The following ROBO2 variants were observed in gnomAD, a reference collection of about 807,000 sequenced individuals.
ROBO2 encodes the protein roundabout homolog 2.
Under a neutral mutation model 160.8 loss-of-function variants are expected in ROBO2, and 53 were observed. The observed-to-expected ratio is 0.33, with a 90% CI of 0.26 to 0.41. The LOEUF (loss-of-function observed/expected upper bound fraction) is 0.41, where lower values mean the gene tolerates loss of function less well. Ranked by LOEUF, ROBO2 falls within the 10% of genes least tolerant of loss-of-function variation. The pLI is 1.00. For missense variants in ROBO2, 1,577 were observed against 1,722.4 expected (o/e 0.92, Z 1.49); for synonymous variants, 664 against 611.7 (o/e 1.09, Z -1.26).
intron 2 of ROBO2, among the ~76,000 whole-genome samples, chr3:77,126,947 C>T (rs1013678282): frequency 6.6e-6 from 1 of 151,508 alleles, no homozygotes; most frequent in Non-Finnish European, 1.5e-5. Flanking sequence ...CGCCACCACG[C>T]CCGGCTAATT....
intron 2 of ROBO2, among the ~76,000 whole-genome samples, chr3:76,412,039 C>T (rs1271220392): frequency 6.6e-6 from 1 of 152,140 alleles, no homozygotes; most frequent in African/African-American, 2.4e-5. Context: ...ACTTACAGTT[C>T]CACATGGCTG....
chr3:76,162,791 G>T (rs1345035445), intron 2 of ROBO2, among the ~76,000 whole-genome samples: 1 of 151,806 alleles, frequency 6.6e-6, no homozygotes, highest in East Asian at 1.9e-4. Context: ...TTTGTATATT[G>T]ATATTTTTCT....
chr3:76,692,778 T>G (rs980885121), intron 2 of ROBO2, among the ~76,000 whole-genome samples: 1 of 152,012 alleles, frequency 6.6e-6, no homozygotes, highest in African/African-American at 2.4e-5. Flanking sequence ...AAGTCACTTT[T>G]GGGGGTATTT....
chr3:77,307,998 A>C (rs1319052316), intron 2 of ROBO2, among the ~76,000 whole-genome samples: 1 of 152,086 alleles, frequency 6.6e-6, no homozygotes, highest in Non-Finnish European at 1.5e-5. Context: ...GTTTTTGTCA[A>C]ATCTAGGAAA....
At chr3:76,636,366 C>T (rs981349591) in intron 2 of ROBO2, among the ~76,000 whole-genome samples, 43 of 152,220 alleles carry the variant, frequency 2.8e-4, no homozygotes, top group African/African-American at 9.9e-4. Flanking sequence ...TGTAAACTAC[C>T]TTTAGATGAA....
intron 2 of ROBO2, among the ~76,000 whole-genome samples, chr3:76,669,872 C>T (rs6778763): frequency 0.79 from 120,833 of 152,092 alleles, 48,186 homozygotes; most frequent in South Asian, 0.92. Context: ...TATTATTATA[C>T]CCTGTGTATT....
intron 2 of ROBO2, among the ~76,000 whole-genome samples, chr3:77,433,514 ATAT>A (rs1253985156): frequency 2.9e-5 from 4 of 138,456 alleles, no homozygotes; most frequent in African/African-American, 1.1e-4. Flanking sequence ...ATATATATAT[ATAT>A]ATTTCTCCTT....
At chr3:75,944,368 C>T (rs1435042993) in intron 2 of ROBO2, among the ~76,000 whole-genome samples, 4 of 152,108 alleles carry the variant, frequency 2.6e-5, no homozygotes, top group Non-Finnish European at 5.9e-5. Flanking sequence ...TCTTATTGTT[C>T]CTTTCTAACA....
intron 2 of ROBO2, among the ~76,000 whole-genome samples, chr3:77,019,115 G>A (rs920831545): frequency 6.6e-6 from 1 of 152,136 alleles, no homozygotes; most frequent in African/African-American, 2.4e-5. Flanking sequence ...TTTCAAATAA[G>A]TTATCTTAGT....
At chr3:76,884,128 T>C (rs1007612014) in intron 2 of ROBO2, among the ~76,000 whole-genome samples, 11 of 152,220 alleles carry the variant, frequency 7.2e-5, no homozygotes, top group Admixed American at 6.5e-4. Context: ...TTTTGATAGA[T>C]GAAAAGCATC....
chr3:76,056,197 A>G (rs2067840434), intron 2 of ROBO2, among the ~76,000 whole-genome samples: 1 of 152,194 alleles, frequency 6.6e-6, no homozygotes, highest in Non-Finnish European at 1.5e-5. Flanking sequence ...ATACGGGAGG[A>G]TGCGCATAGA....
At chr3:76,086,083 G>A (rs1410622674) in intron 2 of ROBO2, among the ~76,000 whole-genome samples, 1 of 152,126 alleles carries the variant, frequency 6.6e-6, no homozygotes, top group Admixed American at 6.6e-5. Flanking sequence ...ATCTCACGCA[G>A]CTATAAGGAC....
chr3:76,732,817 T>A (rs150010522), intron 2 of ROBO2, among the ~76,000 whole-genome samples: 1 of 152,304 alleles, frequency 6.6e-6, no homozygotes, highest in Non-Finnish European at 1.5e-5. Flanking sequence ...TCTGTATATA[T>A]GGCCAATAAA....
At chr3:76,153,720 T>C (rs1378213289) in intron 2 of ROBO2, among the ~76,000 whole-genome samples, 1 of 152,128 alleles carries the variant, frequency 6.6e-6, no homozygotes, top group African/African-American at 2.4e-5. Flanking sequence ...TTCAAAACAT[T>C]ATTCAAATTC....
chr3:75,995,614 A>C (rs1432688395), intron 2 of ROBO2, among the ~76,000 whole-genome samples: 2 of 152,070 alleles, frequency 1.3e-5, no homozygotes, highest in Non-Finnish European at 2.9e-5. Context: ...CTACTGGTGC[A>C]CTGCCTAGTG....
chr3:75,996,708 G>A (rs1173429752), intron 2 of ROBO2, among the ~76,000 whole-genome samples: 1 of 151,816 alleles, frequency 6.6e-6, no homozygotes, highest in African/African-American at 2.4e-5. Flanking sequence ...TCCTCCTAAA[G>A]TAATGAATAT....
intron 2 of ROBO2, among the ~76,000 whole-genome samples, chr3:77,315,587 G>A (rs2063910079): frequency 6.6e-6 from 1 of 152,200 alleles, no homozygotes; most frequent in African/African-American, 2.4e-5. Flanking sequence ...GCTGTTATCA[G>A]TTAGGAATTT....
At chr3:76,365,821 C>A (rs867298633) in intron 2 of ROBO2, among the ~76,000 whole-genome samples, 1 of 149,660 alleles carries the variant, frequency 6.7e-6, no homozygotes, top group Non-Finnish European at 1.5e-5. Flanking sequence ...TTGTTATTAA[C>A]GACCAACATA....
intron 2 of ROBO2, among the ~76,000 whole-genome samples, chr3:76,217,593 C>T (rs1006351315): frequency 7.9e-5 from 12 of 152,182 alleles, no homozygotes; most frequent in Admixed American, 5.2e-4. Flanking sequence ...GAAACATACA[C>T]TCTCCCAAGA....
Sources: allele counts gnomAD v4.1 joint callset (sites outside exome capture counted in the v4.1 genomes callset), GRCh38; gene constraint gnomAD v4.1.1; transcripts MANE v1.5; gene names NCBI Gene and HGNC (gene_info 2026-07-23, HGNC 2026-07-21).